CLUL1: variants seen among roughly 807,000 people sequenced by gnomAD.
CLUL1 encodes clusterin like 1, also known as clusterin-like protein 1.
A neutral mutation model predicts 49.4 loss-of-function variants in CLUL1; 43 were observed. The ratio of observed to expected loss-of-function variants is 0.87; its 90% CI spans 0.68 to 1.12. The LOEUF is 1.12. Ranked by LOEUF, CLUL1 falls within the 50% of genes most tolerant of loss-of-function variation. The probability of loss-of-function intolerance (pLI) is 0.00; values close to 1 mark genes in which losing one functional copy is unlikely to be tolerated. For missense variants in CLUL1, 486 were observed against 544.4 expected, an observed-to-expected ratio of 0.89 and a Z score of 1.07; for synonymous variants, 192 against 184.9, an observed-to-expected ratio of 1.04 and a Z score of -0.31.
chr18:625,891 G>A (rs2073673225), intron 5 of CLUL1, among the ~76,000 whole-genome samples: 1 of 152,164 alleles, frequency 6.6e-6, no homozygotes, highest in South Asian at 2.1e-4. Context: ...ACTATTAATT[G>A]CATCTGCTCT....
rs36222515 is a variant in CLUL1, at chr18:630,672, C to CTTTT, written c.857-2596_857-2593dup. Among the ~76,000 whole-genome samples the CTTTT allele has an allele frequency of 2.3e-3, 145 of 62,054 alleles. 6 individuals carry two copies. Among genetic ancestry groups the CTTTT allele is most frequent in the African/African-American group, 3.1e-3 (43 of 13,912 alleles). 40.7% of individuals were successfully genotyped at this position (62,054 alleles called of 152,430 possible). ...CGCAAAAAACTAGCCCTACTGACAT[C>CTTTT]TTTTTTTTTTTTTTTTTTTTTTTTT... On this transcript the variant is annotated intron_variant, in intron 6 of 9. Coordinates refer to ENST00000692774, the MANE Select transcript of CLUL1 (RefSeq NM_001393344.1).
intron 7 of CLUL1, among the ~76,000 whole-genome samples, 187 bp from the exon 8 acceptor site, chr18:641,140 A>C (rs1386758838): frequency 2.6e-5 from 4 of 152,228 alleles, no homozygotes; most frequent in African/African-American, 7.2e-5. Flanking sequence ...TTAACAGTTA[A>C]ACTGGATCTG....
chr18:634,587 C>T (rs554115734), intron 7 of CLUL1, among the ~76,000 whole-genome samples: 23 of 152,140 alleles, frequency 1.5e-4, no homozygotes, highest in Non-Finnish European at 2.9e-4. Context: ...TCCTTCTTAC[C>T]GCAAGCAAAA....
intron 6 of CLUL1, among the ~76,000 whole-genome samples, chr18:630,096 A>T (rs1046909762): frequency 5.9e-5 from 9 of 152,078 alleles, no homozygotes; most frequent in African/African-American, 2.2e-4. Flanking sequence ...TTTGTTAATC[A>T]ACTGACTTTA....
At position 632,334 on chromosome 18, in the gene CLUL1, ATGTG is replaced by A. The variant is rs34398863; in HGVS notation, c.857-946_857-943del. ...CTCGCACACATATGTGTGTATATAT[ATGTG>A]TGTGTGTGTGTGTGTGTATATATAC... On this transcript the variant is annotated intron_variant, in intron 6 of 9. Coordinates refer to ENST00000692774, the MANE Select transcript of CLUL1 (RefSeq NM_001393344.1). 3.7e-3 allele frequency among the ~76,000 whole-genome samples: 561 copies of A among 150,990 alleles called. 5 individuals are homozygous for A. Among genetic ancestry groups the A allele is most frequent in the South Asian group, 0.012 (55 of 4,778 alleles).
intron 6 of CLUL1, among the ~76,000 whole-genome samples, chr18:628,556 C>T (rs777289269): frequency 1.3e-5 from 2 of 152,138 alleles, no homozygotes; most frequent in Non-Finnish European, 2.9e-5. Flanking sequence ...ACTGTATTGA[C>T]CCCTAAGCCA....
chr18:648,581 GAT>G (rs147379880), intron 9 of CLUL1, among the ~76,000 whole-genome samples: 77 of 147,690 alleles, frequency 5.2e-4, no homozygotes, highest in Non-Finnish European at 4.7e-4. Context: ...TATTGTTCTG[GAT>G]ATATATATAT....
intron 1 of CLUL1, chr18:597,689 C>G (rs1328731499): frequency 6.6e-6 from 1 of 152,300 alleles, no homozygotes; most frequent in Non-Finnish European, 1.5e-5. Flanking sequence ...GCCTGGACAA[C>G]ACAGTGAGAT....
chr18:645,164 A>G (rs2074438994), intron 9 of CLUL1, 67 bp downstream of exon 9: 4 of 1,279,346 alleles, frequency 3.1e-6, no homozygotes, highest in Non-Finnish European at 4.2e-6. Context: ...AGGGAAAAAC[A>G]AAACTTGTTT....
Position 618,764 on chromosome 18 carries a change from A to C in CLUL1, c.107-449A>C, listed in dbSNP as rs1206996602. On this transcript the variant is annotated intron_variant, in intron 3 of 9. Coordinates refer to ENST00000692774, the MANE Select transcript of CLUL1 (RefSeq NM_001393344.1). The surrounding 1 kb of genome is among the most constrained non-coding windows in gnomAD (Gnocchi z 4.2). ...TTGAGTTATTAAGGAAGCTCGTATT[A>C]CATGGGATACTTTCTAGGTCTCGTG... Among the ~76,000 whole-genome samples, 1 of 152,208 alleles carries C rather than the reference A, an allele frequency of 6.6e-6. No homozygotes were observed. Among genetic ancestry groups the C allele is most frequent in the Non-Finnish European group, 1.5e-5 (1 of 68,034 alleles).
rs548115404 is a variant in CLUL1, at chr18:618,260, C to T, written c.106+154C>T. On this transcript the variant is annotated intron_variant, in intron 3 of 9. Coordinates refer to ENST00000692774, the MANE Select transcript of CLUL1 (RefSeq NM_001393344.1). The surrounding 1 kb of genome is among the most constrained non-coding windows in gnomAD (Gnocchi z 4.2). ...TAAACCAGGTCATCCTGACGCCAAA[C>T]ATCTGGGTAAAAATAGAAAATTCCA... is the stretch of plus-strand genomic sequence containing the variant. 2.0e-5 allele frequency among the ~76,000 whole-genome samples: 3 copies of T among 152,330 alleles called. No individual in the cohort carries two copies. The South Asian group carries it at 6.2e-4, about 32-fold the overall frequency.
intron 6 of CLUL1, among the ~76,000 whole-genome samples, chr18:628,639 CT>C (rs577855173): frequency 1.8e-3 from 250 of 137,508 alleles, no homozygotes; most frequent in Admixed American, 2.6e-3. Flanking sequence ...TTTCTTTTTT[CT>C]TTTTTTTTTT....
chr18:623,490 C>G (rs1453689744), intron 4 of CLUL1, among the ~76,000 whole-genome samples: 2 of 151,772 alleles, frequency 1.3e-5, no homozygotes, highest in Non-Finnish European at 2.9e-5. Flanking sequence ...ACTAAACATA[C>G]AAAAATTAGC....
chr18:649,676 C>G, intron 9 of CLUL1: 1 of 466,746 alleles, frequency 2.1e-6, no homozygotes, highest in East Asian at 3.4e-5. Context: ...ATCTTAGAGG[C>G]TCAACAACCC....
chr18:617,595 CA>C (rs11422881), intron 2 of CLUL1, among the ~76,000 whole-genome samples: 1,543 of 82,028 alleles, frequency 0.019, 19 homozygotes, highest in African/African-American at 0.075. Context: ...AACTCCGTCT[CA>C]AAAAAAAAAA....
In CLUL1 at chr18:650,101, C is replaced by G. The variant is rs1417691892; in HGVS notation, c.*200C>G. ...AAATTGAGTTAAAATGAAAATTCCT[C>G]CTTAAAAAATCAAACGTAATATGTA... On this transcript the variant is annotated 3_prime_UTR_variant, in exon 10 of 10. Coordinates refer to ENST00000692774, the MANE Select transcript of CLUL1 (RefSeq NM_001393344.1). The G allele has an allele frequency of 1.2e-5, 5 of 430,518 alleles. No homozygotes were observed. Among genetic ancestry groups the G allele is most frequent in the South Asian group, 5.0e-5 (1 of 20,140 alleles). The allele number at this position is 430,518 out of a possible 1,614,324, so 26.7% of individuals were successfully genotyped here.
intron 9 of CLUL1, among the ~76,000 whole-genome samples, chr18:646,501 C>G (rs1382875232): frequency 4.3e-5 from 3 of 69,744 alleles, no homozygotes; most frequent in African/African-American, 1.7e-4. Flanking sequence ...TAGATAGACA[C>G]ACACACACAC....
intron 6 of CLUL1, among the ~76,000 whole-genome samples, chr18:631,234 G>T (rs2073986607): frequency 6.6e-6 from 1 of 152,060 alleles, no homozygotes; most frequent in Admixed American, 6.5e-5. Context: ...TTCCTACCTT[G>T]GTCTTTCTGG....
At chr18:617,554 C>T (rs552412456) in intron 2 of CLUL1, among the ~76,000 whole-genome samples, 2 of 131,270 alleles carry the variant, frequency 1.5e-5, no homozygotes, top group Admixed American at 1.9e-4. Context: ...GAGATCACGC[C>T]ATTGCACTCC....
Sources: gnomAD v4.1 joint callset for allele counts (sites outside exome capture counted in the v4.1 genomes callset) on GRCh38, gnomAD v4.1.1 for gene constraint, Gnocchi (gnomAD v3.1) non-coding constraint, MANE v1.5 for transcripts, NCBI Gene and HGNC (gene_info 2026-07-23, HGNC 2026-07-21) for gene names.